Variants in NWD2 observed in about 807,000 individuals in gnomAD.
NWD2 encodes the protein NACHT and WD repeat domain containing 2.
A neutral mutation model predicts 132.7 loss-of-function variants in NWD2; 37 were observed. That is an observed-to-expected ratio of 0.28 (90% CI 0.21 to 0.37). NWD2 has a LOEUF of 0.37. Among genes scored for constraint, NWD2 ranks in the 10% least tolerant of loss-of-function variants. NWD2 has a pLI of 1.00. For synonymous variants in NWD2, 705 were observed against 803.0 expected, an observed-to-expected ratio of 0.88 and a Z score of 2.06; for missense variants, 1,592 against 2,122.4, an observed-to-expected ratio of 0.75 and a Z score of 4.91.
intron 1 of NWD2, among the ~76,000 whole-genome samples, chr4:37,313,236 C>T (rs890085668): frequency 9.3e-5 from 14 of 151,142 alleles, no homozygotes; most frequent in Admixed American, 3.9e-4. Context: ...TGGTAGAATT[C>T]GGCTGTGAAT....
At chr4:37,389,353 G>A (rs909765252) in intron 3 of NWD2, among the ~76,000 whole-genome samples, 9 of 152,116 alleles carry the variant, frequency 5.9e-5, no homozygotes, top group African/African-American at 2.2e-4. Flanking sequence ...CTTTTGTACA[G>A]GTTTAATGTG....
intron 3 of NWD2, among the ~76,000 whole-genome samples, chr4:37,387,484 A>G (rs985705010): frequency 6.6e-6 from 1 of 151,514 alleles, no homozygotes; most frequent in Non-Finnish European, 1.5e-5. Flanking sequence ...CCTGCAATCA[A>G]CTCCATCAAC....
intron 1 of NWD2, among the ~76,000 whole-genome samples, chr4:37,321,039 C>A (rs1292999784): frequency 1.3e-5 from 2 of 152,058 alleles, no homozygotes; most frequent in Non-Finnish European, 2.9e-5. Flanking sequence ...CACCTGTAAT[C>A]CCAGCTACTA....
chr4:37,432,636 T>C (rs1168234950), intron 4 of NWD2, among the ~76,000 whole-genome samples: 3 of 152,210 alleles, frequency 2.0e-5, no homozygotes, highest in Non-Finnish European at 2.9e-5. Context: ...GGAAGTCCTT[T>C]GTAAAATCTA....
intron 1 of NWD2, among the ~76,000 whole-genome samples, chr4:37,316,976 A>G (rs73807488): frequency 6.6e-6 from 1 of 152,132 alleles, no homozygotes; most frequent in South Asian, 2.1e-4. Flanking sequence ...TGTGCTGTTG[A>G]TGTCTCTTCA....
At chr4:37,415,653 G>A (rs1455616011) in intron 3 of NWD2, among the ~76,000 whole-genome samples, 2 of 147,650 alleles carry the variant, frequency 1.4e-5, no homozygotes, top group African/African-American at 2.5e-5. Flanking sequence ...GCAGTGAGCC[G>A]AGATCGCGCC....
rs963824902 is a variant in NWD2, at chr4:37,439,193, G to C, written c.1099G>C (p.Asp367His). 7 of 1,550,562 alleles carry C rather than the reference G, an allele frequency of 4.5e-6. No homozygotes were observed. Among genetic ancestry groups the C allele is most frequent in the Non-Finnish European group, 6.1e-6 (7 of 1,146,480 alleles). ...TIQQNFDTET[D>H]TLYDEILQHS... is the part of the protein sequence containing the mutation. ...ACAACAGAATTTTGACACTGAAACT[G>C]ATACACTCTATGATGAAATCCTTCA... Residue 367 changes from aspartate to histidine, a missense_variant, in exon 6 of 7, where the codon GAT becomes CAT. Physicochemically the swap from Asp to His is moderately conservative, Grantham distance 81. Around this residue, in one of 7 missense-constraint regions of NWD2, gnomAD observed 1,071 missense variants for 1,398.0 expected, o/e 0.77. Coordinates refer to ENST00000309447, the MANE Select transcript of NWD2 (RefSeq NM_001144990.2). The surrounding 1 kb of genome is among the most constrained non-coding windows in gnomAD (Gnocchi z 4.5).
At chr4:37,313,799 A>G (rs528332239) in intron 1 of NWD2, among the ~76,000 whole-genome samples, 2 of 151,010 alleles carry the variant, frequency 1.3e-5, no homozygotes, top group East Asian at 1.9e-4. Flanking sequence ...CCCGGGTTCA[A>G]GTGATTCTGC....
intron 2 of NWD2, among the ~76,000 whole-genome samples, chr4:37,328,917 A>C (rs906200882): frequency 1.3e-5 from 2 of 152,126 alleles, no homozygotes; most frequent in Non-Finnish European, 2.9e-5. Context: ...CTAGATTATA[A>C]GTTCCATAAA....
At chr4:37,291,018 G>A (rs1388601390) in intron 1 of NWD2, among the ~76,000 whole-genome samples, 1 of 152,110 alleles carries the variant, frequency 6.6e-6, no homozygotes, top group Admixed American at 6.5e-5. Context: ...AAACCCCTGA[G>A]AGCAAACCTA....
At chr4:37,405,424 TAG>T in intron 3 of NWD2, among the ~76,000 whole-genome samples, 1 of 5,626 alleles carries the variant, frequency 1.8e-4, no homozygotes, top group Admixed American at 2.5e-3. Flanking sequence ...TTGAATGTAA[TAG>T]AATAGAATAG....
intron 3 of NWD2, among the ~76,000 whole-genome samples, chr4:37,362,896 G>C (rs752807289): frequency 6.6e-6 from 1 of 151,986 alleles, no homozygotes; most frequent in African/African-American, 2.4e-5. Context: ...GGGAGAAAAT[G>C]TTCAAAAACT....
intron 2 of NWD2, among the ~76,000 whole-genome samples, chr4:37,338,883 A>G (rs1388296221): frequency 6.6e-6 from 1 of 152,176 alleles, no homozygotes; most frequent in African/African-American, 2.4e-5. Context: ...CTTGCTCCAC[A>G]AGTTACCAAA....
intron 3 of NWD2, among the ~76,000 whole-genome samples, chr4:37,417,050 A>T (rs1163781746): frequency 6.6e-6 from 1 of 152,244 alleles, no homozygotes; most frequent in African/African-American, 2.4e-5. Flanking sequence ...TGAAGAACTT[A>T]TTCAATGCCA....
In NWD2 at chr4:37,443,795, G is replaced by A; in HGVS notation, c.1807G>A (p.Ala603Thr). The A allele has an allele frequency of 2.6e-6, 4 of 1,552,072 alleles. No individual in the cohort carries two copies. The highest frequency in any genetic ancestry group is 1.7e-4 in the Middle Eastern group (1 of 5,998). Residue 603 changes from alanine (A) to threonine (T), a missense_variant, in exon 7 of 7, where the codon GCA becomes ACA. Coordinates refer to ENST00000309447, the MANE Select transcript of NWD2 (RefSeq NM_001144990.2). This position sits in a 1 kb window ranked among gnomAD's most constrained non-coding sequence, Gnocchi z 4.1. ...AGGCCAGCAGATTTATGTGAACAAT[G>A]CATTATCCAAGTGCACACTGCCAAT... ...TSGQQIYVNN[A>T]LSKCTLPMFV... is the part of the protein sequence containing the mutation.
At chr4:37,327,508 A>AC (rs1404265515) in intron 2 of NWD2, among the ~76,000 whole-genome samples, 2 of 151,870 alleles carry the variant, frequency 1.3e-5, no homozygotes, top group South Asian at 2.1e-4. Flanking sequence ...TGTAAAATTG[A>AC]CCCCCAGTTC....
At chr4:37,346,572 G>T (rs554155320) in intron 2 of NWD2, among the ~76,000 whole-genome samples, 1 of 152,134 alleles carries the variant, frequency 6.6e-6, no homozygotes, top group Non-Finnish European at 1.5e-5. Flanking sequence ...GATTTATAGT[G>T]ATTGGATTGA....
chr4:37,248,289 G>T (rs529439761), intron 1 of NWD2, among the ~76,000 whole-genome samples: 1 of 151,518 alleles, frequency 6.6e-6, no homozygotes, highest in Non-Finnish European at 1.5e-5. Context: ...TGGCTATGCT[G>T]ACCCACTTTG....
rs1454480561 is a variant in NWD2, at chr4:37,433,866, A to G, written c.562-10A>G. ...TGTAAGACTAATTTCTCCCTTTTAC[A>G]TTTCTATAGATGCAGCCTTCTACCA... On this transcript the variant is annotated splice_polypyrimidine_tract_variant and intron_variant, in intron 4 of 6. Coordinates refer to ENST00000309447, the MANE Select transcript of NWD2 (RefSeq NM_001144990.2). The G allele has an allele frequency of 2.0e-6, 3 of 1,516,684 alleles. No homozygotes were observed. The highest frequency in any genetic ancestry group is 2.6e-5 in the South Asian group (2 of 77,498). 94.0% of individuals were successfully genotyped at this position (1,516,684 alleles called of 1,614,324 possible).
Sources: allele counts gnomAD v4.1 joint callset (sites outside exome capture counted in the v4.1 genomes callset), GRCh38; gene constraint gnomAD v4.1.1; regional missense constraint gnomAD v4.1.1; non-coding constraint Gnocchi (gnomAD v3.1); transcripts MANE v1.5; gene names NCBI Gene and HGNC (gene_info 2026-07-23, HGNC 2026-07-21).